Variants in RALGDS observed in about 807,000 individuals in gnomAD.
RALGDS encodes the protein ral guanine nucleotide exchange factor.
A neutral mutation model predicts 99.8 loss-of-function variants in RALGDS; 44 were observed. The ratio of observed to expected loss-of-function variants is 0.44; its 90% CI spans 0.35 to 0.57. The LOEUF is 0.57. Ranked by LOEUF, RALGDS falls within the 20% of genes least tolerant of loss-of-function variation. The pLI is 0.01. For missense variants in RALGDS, 1,022 were observed against 1,203.1 expected, an observed-to-expected ratio of 0.85 and a Z score of 2.23; for synonymous variants, 529 against 505.0, an observed-to-expected ratio of 1.05 and a Z score of -0.64.
chr9:133,109,593 G>T, intron 4 of RALGDS, 33 bp downstream of exon 4: 1 of 1,568,940 alleles, frequency 6.4e-7, no homozygotes, highest in Non-Finnish European at 8.8e-7. Flanking sequence ...GGTGGGGACA[G>T]GGTCCCTTCC....
chr9:133,107,423 T>A, intron 6 of RALGDS, 123 bp from the exon 7 acceptor site: 1 of 892,064 alleles, frequency 1.1e-6, no homozygotes, highest in South Asian at 1.4e-5. Context: ...CCATGCAGGG[T>A]GCCCAGCACA....
Position 133,120,889 on chromosome 9 carries a change from G to A in RALGDS, c.183+83C>T, listed in dbSNP as rs1360802813. The A allele has an allele frequency of 3.7e-6, 5 of 1,344,968 alleles. No homozygotes were observed. In the African/African-American group the frequency reaches 6.2e-5, roughly 17 times the overall value. 83.3% of individuals were successfully genotyped at this position (1,344,968 alleles called of 1,614,324 possible). A position where few individuals can be genotyped will look rare whatever the true frequency, so the allele number is the denominator to read the frequency against. The stretch of plus-strand genomic sequence containing the variant: ...CCGCTGGGATCGCCCGGCCCCGTCC[G>A]GGGCTCGCCCCGACCTGCCCAGCTC... On this transcript the variant is annotated intron_variant, in intron 1 of 17. Transcript: ENST00000372050.
chr9:133,148,877 G>T, intron 1 of RALGDS: 1 of 1,509,740 alleles, frequency 6.6e-7, no homozygotes. Context: ...ACGCGGCGCC[G>T]GGCTCCCTCC....
chr9:133,120,888 C>T (rs1400918703), intron 1 of RALGDS, 84 bp downstream of exon 1: 5 of 1,344,264 alleles, frequency 3.7e-6, no homozygotes, highest in Non-Finnish European at 4.8e-6. Context: ...CGGCCCCGTC[C>T]GGGGCTCGCC....
chr9:133,129,852 G>T (rs1296212760), intron 1 of RALGDS, among the ~76,000 whole-genome samples: 1 of 139,250 alleles, frequency 7.2e-6, no homozygotes, highest in African/African-American at 2.7e-5. Flanking sequence ...ATCTCGCTCT[G>T]TCGCCCAGGC....
At position 133,101,645 on chromosome 9, in the gene RALGDS, G is replaced by A. The variant is rs777108342; in HGVS notation, c.2329C>T (p.Arg777Cys). The change falls in exon 16 of 18, where the codon CGC becomes TGC. Residue 777 changes from arginine (R) to cysteine (C), a missense_variant. Physicochemically the swap from Arg to Cys is radical, Grantham distance 180. Transcript: ENST00000372050. ...GAGTTGCAGAGCCCTGAGACAGAGC[G>A]CTTGTGGGTGCGTGTGGCAGCCACG... ...TPVAATRTHK[R>C]SVSGLCNSSS... 24 of 1,613,724 alleles carry A rather than the reference G, an allele frequency of 1.5e-5. No individual in the cohort carries two copies. Among genetic ancestry groups the A allele is most frequent in the Non-Finnish European group, 1.9e-5 (22 of 1,180,040 alleles).
At chr9:133,104,447 C>G in intron 9 of RALGDS, 116 bp from the exon 10 acceptor site, 1 of 956,222 alleles carries the variant, frequency 1.0e-6, no homozygotes, top group Admixed American at 1.9e-5. Context: ...TCAATACTCA[C>G]TAGTGTGGGG....
In RALGDS at chr9:133,100,412, G is replaced by A. The variant is rs140143984; in HGVS notation, c.2455-30C>T. ...ATCGCGGCGGGGGATGGACCATCAG[G>A]GAAAAGACCCTGGAGCGGCTCCCCC... is the stretch of plus-strand genomic sequence containing the variant. On this transcript the variant is annotated intron_variant, in intron 16 of 17. Coordinates refer to ENST00000372050, the MANE Select transcript of RALGDS (RefSeq NM_006266.4). The A allele has an allele frequency of 1.8e-3, 2,945 of 1,613,216 alleles. 45 individuals carry two copies. In the African/African-American group the frequency reaches 0.035, roughly 19 times the overall value.
intron 10 of RALGDS, among the ~76,000 whole-genome samples, 171 bp downstream of exon 10, chr9:133,104,092 G>C (rs1479390880): frequency 6.6e-6 from 1 of 152,168 alleles, no homozygotes; most frequent in Non-Finnish European, 1.5e-5. Flanking sequence ...CTGTCCTTTC[G>C]TGGCTGCAGC....
chr9:133,140,570 G>A (rs1287614577), intron 1 of RALGDS, among the ~76,000 whole-genome samples: 1 of 152,106 alleles, frequency 6.6e-6, no homozygotes, highest in East Asian at 1.9e-4. Flanking sequence ...CCTCCAGCAG[G>A]CAGTGGGTCC....
chr9:133,098,412 C>T lies in RALGDS; in HGVS notation c.*175G>A, dbSNP rs1295614631. The T allele has an allele frequency of 3.9e-5, 27 of 684,300 alleles. No homozygotes were observed. The highest frequency in any genetic ancestry group is 6.0e-5 in the Non-Finnish European group (24 of 400,790). 42.4% of individuals were successfully genotyped at this position (684,300 alleles called of 1,614,324 possible). Reference sequence around the variant, plus strand: ...AAGGCAGCGAGTGGTCCACGGGAGGCCAGGTCAGCCTGACCAATGGCAGGC... The same window carrying T: ...AAGGCAGCGAGTGGTCCACGGGAGGTCAGGTCAGCCTGACCAATGGCAGGC... On this transcript the variant is annotated 3_prime_UTR_variant, in exon 18 of 18. Coordinates refer to ENST00000372050, the MANE Select transcript of RALGDS (RefSeq NM_006266.4).
intron 17 of RALGDS, 58 bp from the exon 18 acceptor site, chr9:133,098,820 C>G (rs1187767732): frequency 3.2e-6 from 5 of 1,558,698 alleles, no homozygotes; most frequent in Non-Finnish European, 4.4e-6. Context: ...TGCAGGATAC[C>G]CCTACCGCTT....
Position 133,129,153 on chromosome 9 carries a change from G to A in RALGDS, c.132+1799C>T, listed in dbSNP as rs1832255136. 3.1e-6 allele frequency: 5 copies of A among 1,594,690 alleles called. No individual in the cohort carries two copies. The South Asian group carries it at 3.3e-5, about 11-fold the overall frequency. On this transcript the variant is annotated intron_variant, in intron 1 of 17. Coordinates refer to the RALGDS transcript ENST00000372062. Reference sequence around the variant, plus strand: ...TGGAAACTCACCTCGGTGGTGGCCGGTGCTGGCAGAGGTGCCAGCCAAGGT... The same window carrying A: ...TGGAAACTCACCTCGGTGGTGGCCGATGCTGGCAGAGGTGCCAGCCAAGGT...
chr9:133,139,032 C>T lies in RALGDS; in HGVS notation c.18+9931G>A, dbSNP rs560968679. The stretch of plus-strand genomic sequence containing the variant: ...CTCCCCAGGCACCAGCCATGTGTCC[C>T]CACACGCAGCCACACATACCCCTTC... On this transcript the variant is annotated intron_variant, in intron 1 of 17. Transcript: ENST00000393160. 2.6e-5 allele frequency among the ~76,000 whole-genome samples: 4 copies of T among 152,320 alleles called. No homozygotes were observed. In the South Asian group the frequency reaches 8.3e-4, roughly 32 times the overall value.
In RALGDS at chr9:133,106,168, G is replaced by A. The variant is rs1377191095; in HGVS notation, c.1518-152C>T. 4.5e-6 allele frequency: 3 copies of A among 672,902 alleles called. No homozygotes were observed. In the South Asian group the frequency reaches 4.7e-5, roughly 11 times the overall value. 41.7% of individuals were successfully genotyped at this position (672,902 alleles called of 1,614,324 possible). A position where few individuals can be genotyped will look rare whatever the true frequency, so the allele number is the denominator to read the frequency against. Reference sequence around the variant, plus strand: ...AGCACTAACGCTCTGCAGGTCTGGGGAGGGGGCCTTCATGTTGGTGCAACA... The same window carrying A: ...AGCACTAACGCTCTGCAGGTCTGGGAAGGGGGCCTTCATGTTGGTGCAACA... On this transcript the variant is annotated intron_variant, in intron 8 of 17. Transcript: ENST00000372050.
At chr9:133,110,820 G>C (rs563605799) in intron 2 of RALGDS, among the ~76,000 whole-genome samples, 1 of 152,048 alleles carries the variant, frequency 6.6e-6, no homozygotes, top group African/African-American at 2.4e-5. Context: ...AGTAGCTTAC[G>C]CCTGTCATCC....
intron 2 of RALGDS, among the ~76,000 whole-genome samples, chr9:133,111,700 C>CG (rs1250060284): frequency 2.2e-4 from 33 of 152,264 alleles, no homozygotes; most frequent in African/African-American, 7.9e-4. Flanking sequence ...AGTCAGGCCC[C>CG]GGCTCTCAAC....
At chr9:133,106,811 T>C in intron 7 of RALGDS, 63 bp from the exon 8 acceptor site, 2 of 1,321,024 alleles carry the variant, frequency 1.5e-6, no homozygotes, top group East Asian at 2.4e-5. Context: ...CTGGCCTCAG[T>C]CCCCCTTGGC....
chr9:133,108,510 A>G, intron 5 of RALGDS, 104 bp from the exon 6 acceptor site: 1 of 1,430,960 alleles, frequency 7.0e-7, no homozygotes, highest in East Asian at 2.5e-5. Flanking sequence ...CCGAACCCAC[A>G]AAACGTGTAC....
Sources: allele counts gnomAD v4.1 joint callset (sites outside exome capture counted in the v4.1 genomes callset), GRCh38; gene constraint gnomAD v4.1.1; transcripts MANE v1.5; gene names NCBI Gene and HGNC (gene_info 2026-07-23, HGNC 2026-07-21).